Variants in EFCAB5 observed in about 807,000 individuals in gnomAD.
EFCAB5 encodes the protein EF-hand calcium-binding domain-containing protein 5.
In EFCAB5, 131 loss-of-function variants were observed where a neutral mutation model predicts 167.9. The ratio of observed to expected loss-of-function variants is 0.78; its 90% CI spans 0.68 to 0.90. The LOEUF (loss-of-function observed/expected upper bound fraction) is 0.90, where lower values mean the gene tolerates loss of function less well. Ranked by LOEUF, EFCAB5 falls within the 40% of genes least tolerant of loss-of-function variation. The probability of loss-of-function intolerance (pLI) is 0.00; values close to 1 mark genes in which losing one functional copy is unlikely to be tolerated. For missense variants in EFCAB5, 1,663 were observed against 1,745.2 expected, an observed-to-expected ratio of 0.95 and a Z score of 0.84; for synonymous variants, 574 against 602.8, an observed-to-expected ratio of 0.95 and a Z score of 0.70.
At chr17:29,995,956 T>A (rs565017485) in intron 5 of EFCAB5, among the ~76,000 whole-genome samples, 1 of 152,218 alleles carries the variant, frequency 6.6e-6, no homozygotes, top group Non-Finnish European at 1.5e-5. Flanking sequence ...TTGCTTCAAT[T>A]TTAGCAGAAT....
chr17:30,051,336 C>A, intron 9 of EFCAB5, 119 bp downstream of exon 9: 1 of 751,186 alleles, frequency 1.3e-6, no homozygotes, highest in Non-Finnish European at 2.1e-6. Context: ...AATCCCTTCA[C>A]ATAATAGCTC....
intron 8 of EFCAB5, among the ~76,000 whole-genome samples, chr17:30,039,658 T>C (rs1478632445): frequency 1.3e-5 from 2 of 152,210 alleles, no homozygotes; most frequent in African/African-American, 2.4e-5. Context: ...ATGTGCCGAC[T>C]TAAAGCCATA....
intron 7 of EFCAB5, chr17:30,031,667 A>G (rs2069482831): frequency 6.6e-6 from 1 of 152,024 alleles, no homozygotes; most frequent in African/African-American, 2.4e-5. Context: ...CACTTCCACT[A>G]CTCTGCTTGT....
intron 8 of EFCAB5, among the ~76,000 whole-genome samples, chr17:30,035,713 A>G (rs999115243): frequency 2.6e-4 from 39 of 152,146 alleles, no homozygotes; most frequent in African/African-American, 9.4e-4. Context: ...GTTGGTCTCA[A>G]CTTCTCATCC....
chr17:30,069,369 G>C, intron 14 of EFCAB5: 1 of 1,558,788 alleles, frequency 6.4e-7, no homozygotes, highest in Non-Finnish European at 8.8e-7. Flanking sequence ...GAAATGAACA[G>C]CTTGTTTGAT....
At chr17:30,101,575 G>A (rs1234943638) in intron 22 of EFCAB5, among the ~76,000 whole-genome samples, 1 of 152,184 alleles carries the variant, frequency 6.6e-6, no homozygotes, top group Non-Finnish European at 1.5e-5. Context: ...AAATAAATCT[G>A]GAGTTTTCGA....
intron 7 of EFCAB5, among the ~76,000 whole-genome samples, chr17:30,007,401 C>T (rs1448394426): frequency 6.6e-6 from 1 of 152,158 alleles, no homozygotes; most frequent in Admixed American, 6.6e-5. Context: ...TATTCTTGTT[C>T]AGTTGGGAAT....
intron 22 of EFCAB5, among the ~76,000 whole-genome samples, chr17:30,107,204 A>G (rs148033720): frequency 6.6e-6 from 1 of 152,266 alleles, no homozygotes; most frequent in African/African-American, 2.4e-5. Context: ...AACTTAAAAC[A>G]TATAATGGTG....
At chr17:30,085,879 G>A (rs997343350) in intron 18 of EFCAB5, among the ~76,000 whole-genome samples, 1 of 152,190 alleles carries the variant, frequency 6.6e-6, no homozygotes, top group African/African-American at 2.4e-5. Context: ...ATGGAGTATA[G>A]AGGCAAGAGG....
chr17:30,032,493 G>A (rs9912741), intron 7 of EFCAB5, among the ~76,000 whole-genome samples: 92,795 of 152,022 alleles, frequency 0.61, 30,263 homozygotes, highest in African/African-American at 0.85. Flanking sequence ...TTCTTCTGGA[G>A]AATAGGAAGT....
intron 7 of EFCAB5, among the ~76,000 whole-genome samples, chr17:30,026,863 G>A (rs1292716331): frequency 3.3e-5 from 5 of 149,558 alleles, no homozygotes; most frequent in Admixed American, 1.3e-4. Flanking sequence ...GGTGTGAACC[G>A]CTATGCCCAG....
At position 30,008,674 on chromosome 17, in the gene EFCAB5, A is replaced by G. The variant is rs1020439425; in HGVS notation, c.1044+8698A>G. Among the ~76,000 whole-genome samples the G allele has an allele frequency of 1.9e-4, 29 of 152,100 alleles. 1 individual carries two copies. The highest frequency in any genetic ancestry group is 1.9e-3 in the Admixed American group (29 of 15,260). ...CTTAAGCTTTATGAGTTTATAGCAC[A>G]TTGTAATAGAATATATAAAAATATA... On this transcript the variant is annotated intron_variant, in intron 7 of 22. Transcript: ENST00000394835.
chr17:30,000,048 C>A, intron 7 of EFCAB5, 72 bp downstream of exon 7: 3 of 1,098,862 alleles, frequency 2.7e-6, no homozygotes, highest in South Asian at 1.5e-5. Flanking sequence ...GTGGCTGTCA[C>A]ACATCATTAA....
At position 30,051,188 on chromosome 17, in the gene EFCAB5, T is replaced by G. The variant is rs28504322; in HGVS notation, c.1271T>G (p.Leu424Arg). Residue 424 changes from leucine to arginine, a missense_variant, in exon 9 of 23, where the codon CTT becomes CGT. Physicochemically the swap from Leu to Arg is moderately radical, Grantham distance 102. Coordinates refer to ENST00000394835, the MANE Select transcript of EFCAB5 (RefSeq NM_198529.4). The part of the protein sequence containing the change: ...ELFYDHSSQM[L>R]RSLLRNPRQW... ...TTCTATGACCATAGTTCACAAATGC[T>G]TAGGAGTTTACTTCGAAACCCACGA... The G allele has an allele frequency of 1.2e-3, 1,932 of 1,614,008 alleles. 15 individuals are homozygous for G. The African/African-American group carries it at 0.023, about 20-fold the overall frequency.
At chr17:29,979,590 G>C (rs2151604196) in intron 4 of EFCAB5, among the ~76,000 whole-genome samples, 1 of 152,284 alleles carries the variant, frequency 6.6e-6, no homozygotes, top group African/African-American at 2.4e-5. Context: ...CCCTCCCTTT[G>C]TTTCTTTAGC....
At chr17:29,982,601 A>C (rs1296880594) in intron 4 of EFCAB5, among the ~76,000 whole-genome samples, 1 of 152,168 alleles carries the variant, frequency 6.6e-6, no homozygotes, top group African/African-American at 2.4e-5. Context: ...AAGAACTAAA[A>C]ACTTATCACA....
chr17:30,072,636 T>G (rs1009471465), intron 14 of EFCAB5, among the ~76,000 whole-genome samples: 2 of 152,222 alleles, frequency 1.3e-5, no homozygotes, highest in Admixed American at 6.5e-5. Flanking sequence ...TCATTTAGAT[T>G]TATCTACTGT....
chr17:29,973,097 C>T (rs1003392225), intron 4 of EFCAB5: 1 of 152,580 alleles, frequency 6.6e-6, no homozygotes, highest in Non-Finnish European at 1.5e-5. Context: ...CCTTGGCCAC[C>T]CCAGCCTTGG....
At chr17:30,081,839 A>T (rs563260201) in intron 17 of EFCAB5, among the ~76,000 whole-genome samples, 138 of 152,350 alleles carry the variant, frequency 9.1e-4, no homozygotes, top group African/African-American at 3.2e-3. Flanking sequence ...ATTAAAATGG[A>T]GGAGTATGGA....
Sources: gnomAD v4.1 joint callset for allele counts (sites outside exome capture counted in the v4.1 genomes callset) on GRCh38, gnomAD v4.1.1 for gene constraint, MANE v1.5 for transcripts, NCBI Gene and HGNC (gene_info 2026-07-23, HGNC 2026-07-21) for gene names.